The following MFHAS1 variants were observed in gnomAD, a reference collection of about 807,000 sequenced individuals.
The protein encoded by MFHAS1 is multifunctional ROCO family signaling regulator 1.
In MFHAS1, 50 loss-of-function variants were observed where a neutral mutation model predicts 70.4. That is an observed-to-expected ratio of 0.71 (90% CI 0.57 to 0.90). MFHAS1 has a LOEUF of 0.90. MFHAS1 is among the 40% of genes least tolerant of loss of function. MFHAS1 has a pLI of 0.00. For synonymous variants in MFHAS1, 952 were observed against 620.0 expected (o/e 1.54, Z -7.96); for missense variants, 1,795 against 1,347.6 (o/e 1.33, Z -5.20).
intron 1 of MFHAS1, among the ~76,000 whole-genome samples, chr8:8,872,724 C>T (rs1266802836): frequency 6.6e-6 from 1 of 151,882 alleles, no homozygotes; most frequent in East Asian, 1.9e-4. Flanking sequence ...AGGCAAATTC[C>T]TGAAGGGACT....
intron 1 of MFHAS1, among the ~76,000 whole-genome samples, chr8:8,842,431 C>G (rs923596418): frequency 2.6e-5 from 4 of 152,130 alleles, no homozygotes; most frequent in Non-Finnish European, 5.9e-5. Flanking sequence ...GGAGATCCAC[C>G]CACCTCAGCC....
In MFHAS1 at chr8:8,856,672, T is replaced by C. The variant is rs1418447952; in HGVS notation, c.2998+33389A>G. ...ATACTGACACATTAAAAAATGAAAT[T>C]GGTCTTTTATTCCTAGCCTATTCAT... On this transcript the variant is annotated intron_variant, in intron 1 of 2. Coordinates refer to ENST00000276282, the MANE Select transcript of MFHAS1 (RefSeq NM_004225.3). 6.6e-5 allele frequency among the ~76,000 whole-genome samples: 10 copies of C among 152,242 alleles called. No individual in the cohort carries two copies. The East Asian group carries it at 1.3e-3, about 21-fold the overall frequency.
chr8:8,820,818 C>G (rs1487318390), intron 1 of MFHAS1, among the ~76,000 whole-genome samples: 1 of 152,204 alleles, frequency 6.6e-6, no homozygotes, highest in East Asian at 1.9e-4. Flanking sequence ...AAGCATGATT[C>G]CAGGCCAAAG....
intron 2 of MFHAS1, among the ~76,000 whole-genome samples, chr8:8,792,507 G>A (rs1486711534): frequency 6.6e-6 from 1 of 151,434 alleles, no homozygotes; most frequent in African/African-American, 2.4e-5. Context: ...TCTGGAGGCT[G>A]AGGCAGAAGA....
chr8:8,796,113 T>A (rs1805883942), intron 2 of MFHAS1, among the ~76,000 whole-genome samples: 1 of 152,116 alleles, frequency 6.6e-6, no homozygotes, highest in Non-Finnish European at 1.5e-5. Flanking sequence ...AAAACACACA[T>A]ACATAAAACC....
chr8:8,844,001 G>A (rs1354006090), intron 1 of MFHAS1, among the ~76,000 whole-genome samples: 1 of 152,200 alleles, frequency 6.6e-6, no homozygotes, highest in Non-Finnish European at 1.5e-5. Context: ...ACTGTTCTCT[G>A]GGACTCTACC....
chr8:8,881,342 C>T (rs1225531393), intron 1 of MFHAS1, among the ~76,000 whole-genome samples: 2 of 152,180 alleles, frequency 1.3e-5, no homozygotes, highest in Admixed American at 6.5e-5. Context: ...GAACTGTTAT[C>T]CACGCAGCCA....
rs1805491399 is a variant in MFHAS1 at position 8,785,106 on chromosome 8, G to T, written c.*916C>A. ...ACTTATTAAGCAGAGCACTTTGTAAGATTCAGAACTGACTCCTGATTATCT... is the reference window on the plus strand; with the variant it reads ...ACTTATTAAGCAGAGCACTTTGTAATATTCAGAACTGACTCCTGATTATCT... On this transcript the variant is annotated 3_prime_UTR_variant, in exon 3 of 3. Transcript: ENST00000276282. 2 of 152,160 alleles carry T rather than the reference G, an allele frequency of 1.3e-5. No homozygotes were observed. 9.4% of individuals were successfully genotyped at this position (152,160 alleles called of 1,614,324 possible).
intron 1 of MFHAS1, among the ~76,000 whole-genome samples, chr8:8,879,079 T>C (rs1277861358): frequency 6.6e-6 from 1 of 152,118 alleles, no homozygotes; most frequent in Non-Finnish European, 1.5e-5. Flanking sequence ...CCAGGCATGG[T>C]GACTCACGCC....
At chr8:8,847,483 G>A (rs1563202041) in intron 1 of MFHAS1, among the ~76,000 whole-genome samples, 2 of 152,018 alleles carry the variant, frequency 1.3e-5, no homozygotes. Flanking sequence ...CGCCCGGCCA[G>A]AAATATCTTA....
intron 1 of MFHAS1, among the ~76,000 whole-genome samples, chr8:8,808,379 C>T (rs1240093821): frequency 6.6e-6 from 1 of 152,232 alleles, no homozygotes; most frequent in Non-Finnish European, 1.5e-5. Flanking sequence ...ATCACTTAGG[C>T]ACTTTCTCGG....
intron 1 of MFHAS1, among the ~76,000 whole-genome samples, chr8:8,853,537 A>G (rs1808322533): frequency 1.3e-5 from 2 of 151,602 alleles, no homozygotes; most frequent in African/African-American, 2.4e-5. Flanking sequence ...CAAGGCAAAC[A>G]GTGTGGGTAC....
At chr8:8,797,817 G>A (rs1406610578) in intron 1 of MFHAS1, among the ~76,000 whole-genome samples, 5 of 152,106 alleles carry the variant, frequency 3.3e-5, no homozygotes, top group Non-Finnish European at 5.9e-5. Flanking sequence ...AGATATCAAC[G>A]ACTGAGCCAG....
intron 1 of MFHAS1, among the ~76,000 whole-genome samples, chr8:8,855,171 T>A (rs1808390711): frequency 1.3e-5 from 2 of 152,216 alleles, no homozygotes; most frequent in Admixed American, 1.3e-4. Context: ...CAGGCTGGTC[T>A]CGAACTCCTG....
At chr8:8,786,248 G>C (rs1805538570) in intron 2 of MFHAS1, among the ~76,000 whole-genome samples, 193 bp from the exon 3 acceptor site, 1 of 152,182 alleles carries the variant, frequency 6.6e-6, no homozygotes, top group South Asian at 2.1e-4. Context: ...CATTTTAGCA[G>C]TCTATTTGCC....
chr8:8,817,805 A>G (rs1806803455), intron 1 of MFHAS1, among the ~76,000 whole-genome samples: 2 of 152,196 alleles, frequency 1.3e-5, no homozygotes, highest in Non-Finnish European at 2.9e-5. Flanking sequence ...AGAATTCACA[A>G]TAGAGTTCAA....
At chr8:8,864,862 T>C (rs1368482526) in intron 1 of MFHAS1, among the ~76,000 whole-genome samples, 2 of 152,194 alleles carry the variant, frequency 1.3e-5, no homozygotes, top group Non-Finnish European at 1.5e-5. Flanking sequence ...TTATATAACA[T>C]GGTGCCGAAA....
intron 1 of MFHAS1, among the ~76,000 whole-genome samples, chr8:8,838,811 C>CAAAA (rs33959926): frequency 7.3e-6 from 1 of 136,198 alleles, no homozygotes; most frequent in Admixed American, 7.4e-5. Context: ...GACCCTGCCT[C>CAAAA]AAAAAAAAAA....
At chr8:8,880,913 G>A (rs933100533) in intron 1 of MFHAS1, among the ~76,000 whole-genome samples, 1 of 152,052 alleles carries the variant, frequency 6.6e-6, no homozygotes, top group East Asian at 1.9e-4. Flanking sequence ...TCGAACTCCT[G>A]ACCTCAAGTG....
Sources: gnomAD v4.1 joint callset for allele counts (sites outside exome capture counted in the v4.1 genomes callset) on GRCh38, gnomAD v4.1.1 for gene constraint, MANE v1.5 for transcripts, NCBI Gene and HGNC (gene_info 2026-07-23, HGNC 2026-07-21) for gene names.